The following CNTFR variants were observed in gnomAD, a reference collection of about 807,000 sequenced individuals.
The protein encoded by CNTFR is ciliary neurotrophic factor receptor subunit alpha.
In CNTFR, 12 loss-of-function variants were observed where a neutral mutation model predicts 40.4. The ratio of observed to expected loss-of-function variants is 0.30; its 90% CI spans 0.19 to 0.48. CNTFR has a LOEUF of 0.48. Ranked by LOEUF, CNTFR falls within the 20% of genes least tolerant of loss-of-function variation. CNTFR has a pLI of 0.99. For synonymous variants in CNTFR, 202 were observed against 209.6 expected, an observed-to-expected ratio of 0.96 and a Z score of 0.31; for missense variants, 414 against 506.8, an observed-to-expected ratio of 0.82 and a Z score of 1.76.
chr9:34,551,962 G>A lies in CNTFR; in HGVS notation c.*109C>T. ...TCCACAAATTGTGTCTGAAGAGAAT[G>A]CAAAAGGTCCTCCTGCCCGTGTGCA... is the stretch of plus-strand genomic sequence containing the variant. On this transcript the variant is annotated 3_prime_UTR_variant, in exon 10 of 10. Transcript: ENST00000378980. 2 of 750,966 alleles carry A rather than the reference G, an allele frequency of 2.7e-6. No homozygotes were observed. The highest frequency in any genetic ancestry group is 1.5e-5 in the South Asian group (1 of 68,268). The allele number at this position is 750,966 out of a possible 1,614,324, so 46.5% of individuals were successfully genotyped here.
At chr9:34,572,008 G>A (rs1345827805) in intron 2 of CNTFR, among the ~76,000 whole-genome samples, 2 of 152,022 alleles carry the variant, frequency 1.3e-5, no homozygotes, top group South Asian at 2.1e-4. Flanking sequence ...GAGCATCTCC[G>A]TGGCCTGCCC....
chr9:34,573,511 G>C (rs994668218), intron 2 of CNTFR, among the ~76,000 whole-genome samples: 1 of 152,154 alleles, frequency 6.6e-6, no homozygotes, highest in African/African-American at 2.4e-5. Context: ...CTCCAACTCC[G>C]AGGCAGGGAA....
intron 7 of CNTFR, among the ~76,000 whole-genome samples, chr9:34,553,623 G>C (rs887170416): frequency 2.0e-5 from 3 of 152,184 alleles, no homozygotes; most frequent in South Asian, 2.1e-4. Context: ...GGAAAGGGGT[G>C]GGGGACAGCC....
intron 1 of CNTFR, among the ~76,000 whole-genome samples, chr9:34,584,039 G>A (rs890012631): frequency 2.0e-5 from 3 of 152,170 alleles, no homozygotes; most frequent in African/African-American, 4.8e-5. Flanking sequence ...CTGAGAGCAG[G>A]GGCTCTGAAG....
intron 4 of CNTFR, among the ~76,000 whole-genome samples, chr9:34,561,201 C>T (rs957418534): frequency 6.6e-6 from 1 of 152,202 alleles, no homozygotes; most frequent in African/African-American, 2.4e-5. Context: ...CTTGTGATTT[C>T]TCCCCAGACG....
At chr9:34,565,900 G>A (rs1169950585) in intron 3 of CNTFR, among the ~76,000 whole-genome samples, 1 of 151,836 alleles carries the variant, frequency 6.6e-6, no homozygotes, top group Non-Finnish European at 1.5e-5. Context: ...CCAGATCTGC[G>A]GAGTGAGGGT....
At chr9:34,556,796 C>T (rs1825851498) in intron 6 of CNTFR, among the ~76,000 whole-genome samples, 1 of 152,148 alleles carries the variant, frequency 6.6e-6, no homozygotes, top group Non-Finnish European at 1.5e-5. Context: ...GGACTACCCC[C>T]TCCTACACCA....
At chr9:34,579,944 C>G in intron 2 of CNTFR, among the ~76,000 whole-genome samples, 1 of 152,034 alleles carries the variant, frequency 6.6e-6, no homozygotes, top group East Asian at 1.9e-4. Flanking sequence ...TCCAGCTCCC[C>G]TGCTCGCTGA....
chr9:34,553,113 G>A (rs1468868654), intron 7 of CNTFR, among the ~76,000 whole-genome samples: 1 of 152,184 alleles, frequency 6.6e-6, no homozygotes, highest in Admixed American at 6.5e-5. Context: ...AAACACCTCA[G>A]GGGAGAATAA....
intron 4 of CNTFR, among the ~76,000 whole-genome samples, chr9:34,558,617 T>C (rs573855836): frequency 6.6e-6 from 1 of 152,318 alleles, no homozygotes; most frequent in Admixed American, 6.5e-5. Flanking sequence ...GGAGCAGCTA[T>C]GCGGATGTGT....
At chr9:34,586,058 G>T (rs763654484) in intron 1 of CNTFR, among the ~76,000 whole-genome samples, 1 of 152,170 alleles carries the variant, frequency 6.6e-6, no homozygotes, top group Non-Finnish European at 1.5e-5. Context: ...GGACCGCAGG[G>T]CCATGTCCCT....
At chr9:34,585,977 C>A (rs1243456133) in intron 1 of CNTFR, among the ~76,000 whole-genome samples, 5 of 152,228 alleles carry the variant, frequency 3.3e-5, no homozygotes, top group African/African-American at 7.2e-5. Flanking sequence ...AAGCCTCCCA[C>A]CCCGGCTGGA....
chr9:34,564,450 A>G, intron 4 of CNTFR, 149 bp downstream of exon 4: 1 of 755,382 alleles, frequency 1.3e-6, no homozygotes, highest in South Asian at 1.7e-5. Context: ...AGGCCAGAAG[A>G]GCGGGCCAGG....
At chr9:34,571,304 TC>T (rs1461787752) in intron 2 of CNTFR, 1 of 152,166 alleles carries the variant, frequency 6.6e-6, no homozygotes, top group Admixed American at 6.6e-5. Context: ...CCTCACACCC[TC>T]CCCCACTGCC....
chr9:34,564,867 G>A, intron 3 of CNTFR, 35 bp from the exon 4 acceptor site: 3 of 1,591,892 alleles, frequency 1.9e-6, no homozygotes, highest in Non-Finnish European at 2.6e-6. Flanking sequence ...AAAAGTCACA[G>A]GTCACAGCCC....
intron 4 of CNTFR, among the ~76,000 whole-genome samples, chr9:34,562,738 GA>G (rs1400500867): frequency 1.3e-5 from 2 of 152,180 alleles, no homozygotes; most frequent in Admixed American, 6.5e-5. Flanking sequence ...AAGAAATGAA[GA>G]AATGGAACTA....
intron 2 of CNTFR, among the ~76,000 whole-genome samples, chr9:34,572,746 A>G (rs985922697): frequency 2.0e-5 from 3 of 152,242 alleles, no homozygotes; most frequent in African/African-American, 7.2e-5. Context: ...ACCGTTGACA[A>G]TGACACACAG....
Position 34,551,754 on chromosome 9 carries a change from TC to T in CNTFR, c.*316del, listed in dbSNP as rs576183479. ...GGAGGAGAAATCGGATGTGAGAGGC[TC>T]CCCTCACGTCCCCCAAGGGCTCCTG... is the stretch of plus-strand genomic sequence containing the variant. On this transcript the variant is annotated 3_prime_UTR_variant, in exon 10 of 10. Transcript: ENST00000378980. 9.3e-3 allele frequency: 5,139 copies of T among 553,366 alleles called. 50 individuals carry two copies. Among genetic ancestry groups the T allele is most frequent in the Non-Finnish European group, 0.012 (3,722 of 310,070 alleles). The allele number at this position is 553,366 out of a possible 1,614,324, so 34.3% of individuals were successfully genotyped here. A position where few individuals can be genotyped will look rare whatever the true frequency, so the allele number is the denominator to read the frequency against.
In CNTFR at chr9:34,560,798, C is replaced by T. The variant is rs72735278; in HGVS notation, c.320-2814G>A. Among the ~76,000 whole-genome samples, 423 of 152,316 alleles carry T rather than the reference C, an allele frequency of 2.8e-3. 2 individuals are homozygous for T. The highest frequency in any genetic ancestry group is 4.5e-3 in the Non-Finnish European group (306 of 68,020). ...TGGCAGGGTGTCCCTGGGTCCCACG[C>T]GGGGCTGTGTGCGCGTGTGTATGTG... On this transcript the variant is annotated intron_variant, in intron 4 of 9. Coordinates refer to ENST00000378980, the MANE Select transcript of CNTFR (RefSeq NM_147164.3).
Sources: gnomAD v4.1 joint callset for allele counts (sites outside exome capture counted in the v4.1 genomes callset) on GRCh38, gnomAD v4.1.1 for gene constraint, MANE v1.5 for transcripts, NCBI Gene and HGNC (gene_info 2026-07-23, HGNC 2026-07-21) for gene names.